TARS1: variants seen among roughly 807,000 people sequenced by gnomAD.
TARS1 encodes threonine--tRNA ligase 1, cytoplasmic.
TARS1 carries 57 observed loss-of-function variants against 97.7 expected under a neutral mutation model. That is an observed-to-expected ratio of 0.58 (90% CI 0.47 to 0.73). The LOEUF (loss-of-function observed/expected upper bound fraction) is 0.73, where lower values mean the gene tolerates loss of function less well. TARS1 is among the 30% of genes least tolerant of loss of function. The pLI is 0.00. For synonymous variants in TARS1, 312 were observed against 293.7 expected, an observed-to-expected ratio of 1.06 and a Z score of -0.64; for missense variants, 806 against 888.3, an observed-to-expected ratio of 0.91 and a Z score of 1.18.
At position 33,460,986 on chromosome 5, in the gene TARS1, G is replaced by T. The variant is rs759545631; in HGVS notation, c.1335G>T (p.Leu445=). 6.2e-7 allele frequency: 1 copy of T among 1,614,162 alleles called. No homozygotes were observed. Among genetic ancestry groups the T allele is most frequent in the South Asian group, 1.1e-5 (1 of 91,084 alleles). The change falls in exon 12 of 19, where the codon CTG becomes CTT. Residue 445 remains leucine (L), a synonymous_variant. Coordinates refer to ENST00000265112, the MANE Select transcript of TARS1 (RefSeq NM_152295.5). ...ADFGVLHRNE[L]SGALTGLTRV... ...TTGGGGTACTTCATAGGAACGAGCTGTCTGGAGCACTCACAGGACTCACCC... is the reference window on the plus strand; with the variant it reads ...TTGGGGTACTTCATAGGAACGAGCTTTCTGGAGCACTCACAGGACTCACCC...
In TARS1 at chr5:33,445,581, A is replaced by G. The variant is rs182151704; in HGVS notation, c.138+177A>G. ...AGGGTAATCTGAGAGGGGAAAAAAGACTTTCAGTTGTTACTGTAAAAGGAA... is the reference window on the plus strand; with the variant it reads ...AGGGTAATCTGAGAGGGGAAAAAAGGCTTTCAGTTGTTACTGTAAAAGGAA... On this transcript the variant is annotated intron_variant, in intron 2 of 18. Coordinates refer to ENST00000265112, the MANE Select transcript of TARS1 (RefSeq NM_152295.5). 1.3e-3 allele frequency among the ~76,000 whole-genome samples: 200 copies of G among 152,326 alleles called. 1 individual carries two copies. Among genetic ancestry groups the G allele is most frequent in the Admixed American group, 5.4e-3 (82 of 15,304 alleles).
At chr5:33,467,070 A>G (rs1742560712) in intron 18 of TARS1, 85 bp downstream of exon 18, 1 of 642,768 alleles carries the variant, frequency 1.6e-6, no homozygotes, top group South Asian at 4.4e-5. Flanking sequence ...GTGAATTGTA[A>G]TCAAGAATTT....
intron 4 of TARS1, among the ~76,000 whole-genome samples, chr5:33,453,849 A>G (rs1408352843): frequency 6.6e-6 from 1 of 151,676 alleles, no homozygotes; most frequent in Non-Finnish European, 1.5e-5. Context: ...CCTCCCAAGT[A>G]GCTGGGATTA....
chr5:33,461,702 G>T lies in TARS1; in HGVS notation c.1587G>T (p.Lys529Asn). The T allele has an allele frequency of 1.2e-6, 2 of 1,614,136 alleles. No individual in the cohort carries two copies. The highest frequency in any genetic ancestry group is 1.3e-5 in the African/African-American group (1 of 75,056). The change falls in exon 14 of 19, where the codon AAG (lysine) becomes AAT (asparagine). Residue 529 changes from lysine (K) to asparagine (N), a missense_variant. Physicochemically the swap from Lys to Asn is moderately conservative, Grantham distance 94. Around this residue, in one of 3 missense-constraint regions of TARS1, gnomAD observed 446 missense variants for 511.0 expected, o/e 0.87. Coordinates refer to ENST00000265112, the MANE Select transcript of TARS1 (RefSeq NM_152295.5). ...ACAGTCTGAATGAATTTGGTGAAAA[G>T]TGGGAGTTAAACTCTGGAGATGGAG... ...LENSLNEFGE[K>N]WELNSGDGAF...
At chr5:33,444,625 C>T (rs1333109672) in intron 1 of TARS1, among the ~76,000 whole-genome samples, 1 of 152,210 alleles carries the variant, frequency 6.6e-6, no homozygotes, top group Non-Finnish European at 1.5e-5. Context: ...AACAATCCTT[C>T]ATTAATCAGC....
chr5:33,442,635 A>G (rs974921110), intron 1 of TARS1, among the ~76,000 whole-genome samples: 1 of 152,032 alleles, frequency 6.6e-6, no homozygotes, highest in East Asian at 1.9e-4. Context: ...TCCCGGGTTC[A>G]TGCCATTCTC....
At chr5:33,447,297 A>G (rs746210925) in intron 2 of TARS1, among the ~76,000 whole-genome samples, 2 of 152,114 alleles carry the variant, frequency 1.3e-5, no homozygotes, top group African/African-American at 4.8e-5. Context: ...CCCAGGTTGG[A>G]GTGCAGTGGC....
chr5:33,457,760 G>A (rs567688525), intron 9 of TARS1, among the ~76,000 whole-genome samples: 1 of 152,346 alleles, frequency 6.6e-6, no homozygotes, highest in South Asian at 2.1e-4. Context: ...GTCCCACAAA[G>A]ATTAACCTAC....
chr5:33,463,726 A>G (rs1742402359), intron 16 of TARS1, 27 bp from the exon 17 acceptor site: 3 of 1,594,590 alleles, frequency 1.9e-6, no homozygotes, highest in African/African-American at 1.3e-5. Flanking sequence ...CCACATCTAC[A>G]CTGAATATTT....
intron 1 of TARS1, among the ~76,000 whole-genome samples, chr5:33,443,729 T>C (rs1391721946): frequency 6.6e-6 from 1 of 152,112 alleles, no homozygotes; most frequent in Non-Finnish European, 1.5e-5. Flanking sequence ...TCTCCTGACC[T>C]CGTGATCTGC....
In TARS1 at chr5:33,467,822, T is replaced by G. The variant is rs1332133617; in HGVS notation, c.*114T>G. 8.6e-7 allele frequency: 1 copy of G among 1,158,008 alleles called. No individual in the cohort carries two copies. Among genetic ancestry groups the G allele is most frequent in the African/African-American group, 1.6e-5 (1 of 63,752 alleles). The allele number at this position is 1,158,008 out of a possible 1,614,324, so 71.7% of individuals were successfully genotyped here. ...TTGAACTTGGAGGAGTTTGGCAAAG[T>G]CTGAATAGGTCAACCTGCAGGCGTA... On this transcript the variant is annotated 3_prime_UTR_variant, in exon 19 of 19. Coordinates refer to ENST00000265112, the MANE Select transcript of TARS1 (RefSeq NM_152295.5).
At chr5:33,463,892 C>A in intron 17 of TARS1, 67 bp downstream of exon 17, 2 of 1,370,384 alleles carry the variant, frequency 1.5e-6, no homozygotes, top group Non-Finnish European at 2.1e-6. Flanking sequence ...ATCACATAAG[C>A]CCTGTATTCT....
At position 33,441,048 on chromosome 5, in the gene TARS1, C is replaced by G; in HGVS notation, c.-39C>G. Reference sequence around the variant, plus strand: ...GCCTCTTGGCTCCTCTCCTCTAGGCCGTCGCTTTCGGGTTCTCTCATCGCT... The same window carrying G: ...GCCTCTTGGCTCCTCTCCTCTAGGCGGTCGCTTTCGGGTTCTCTCATCGCT... On this transcript the variant is annotated 5_prime_UTR_variant, in exon 1 of 19. Transcript: ENST00000265112. 6.2e-7 allele frequency: 1 copy of G among 1,613,904 alleles called. No individual in the cohort carries two copies. Among genetic ancestry groups the G allele is most frequent in the Non-Finnish European group, 8.5e-7 (1 of 1,179,810 alleles).
In TARS1 at chr5:33,459,832, C is replaced by A; in HGVS notation, c.1221C>A (p.Ala407=). Residue 407 remains alanine, a synonymous_variant, in exon 11 of 19, where the codon GCC becomes GCA. Coordinates refer to ENST00000265112, the MANE Select transcript of TARS1 (RefSeq NM_152295.5). The part of the protein sequence containing the change: ...FSFEVEKELF[A]LKPMNCPGHC... ...TTGAGGTGGAGAAGGAGCTGTTTGC[C>A]CTGAAACCCATGAACTGCCCAGGAC... 1 of 1,614,106 alleles carries A rather than the reference C, an allele frequency of 6.2e-7. No individual in the cohort carries two copies. The highest frequency in any genetic ancestry group is 1.3e-5 in the African/African-American group (1 of 75,026).
At chr5:33,459,987 A>G (rs571413331) in intron 11 of TARS1, 126 bp downstream of exon 11, 23 of 1,042,666 alleles carry the variant, frequency 2.2e-5, no homozygotes, top group South Asian at 1.3e-4. Context: ...TTTAAACGCA[A>G]CATCTTTGTA....
chr5:33,443,320 CCTCTCTCTCTCTCTCT>C (rs769681224), intron 1 of TARS1, among the ~76,000 whole-genome samples: 5,349 of 118,532 alleles, frequency 0.045, 362 homozygotes, highest in African/African-American at 0.15. Flanking sequence ...TCTCTCTCTC[CCTCTCTCTCTCTCTCT>C]CTCTCTCTCT....
chr5:33,455,460 T>G, intron 5 of TARS1, 127 bp from the exon 6 acceptor site: 2 of 571,240 alleles, frequency 3.5e-6, no homozygotes, highest in Middle Eastern at 4.9e-4. Context: ...TAAGATACGA[T>G]GCAATAGTCT....
At position 33,458,178 on chromosome 5, in the gene TARS1, TCTTA is replaced by T. The variant is rs1357422501; in HGVS notation, c.985-385_985-382del. On this transcript the variant is annotated intron_variant, in intron 9 of 18. Transcript: ENST00000265112. The stretch of plus-strand genomic sequence containing the variant: ...TTTTTCCCAGTCTCCTTCCTGATAC[TCTTA>T]CTAAGAAAATAAATACATACATAAA... Among the ~76,000 whole-genome samples the T allele has an allele frequency of 4.6e-5, 7 of 152,266 alleles. No homozygotes were observed. In the East Asian group the frequency reaches 1.2e-3, roughly 25 times the overall value.
chr5:33,467,839 G>C lies in TARS1; in HGVS notation c.*131G>C. 1.1e-6 allele frequency: 1 copy of C among 927,082 alleles called. No individual in the cohort carries two copies. Among genetic ancestry groups the C allele is most frequent in the Non-Finnish European group, 1.5e-6 (1 of 648,050 alleles). The allele number at this position is 927,082 out of a possible 1,614,324, so 57.4% of individuals were successfully genotyped here. On this transcript the variant is annotated 3_prime_UTR_variant, in exon 19 of 19. Coordinates refer to ENST00000265112, the MANE Select transcript of TARS1 (RefSeq NM_152295.5). ...TGGCAAAGTCTGAATAGGTCAACCT[G>C]CAGGCGTAACTATTTTTGACCTAGT...
Sources: gnomAD v4.1 joint callset for allele counts (sites outside exome capture counted in the v4.1 genomes callset) on GRCh38, gnomAD v4.1.1 for gene constraint, gnomAD v4.1.1 regional missense constraint, MANE v1.5 for transcripts, NCBI Gene and HGNC (gene_info 2026-07-23, HGNC 2026-07-21) for gene names.